The following HOOK1 variants were observed in gnomAD, a reference collection of about 807,000 sequenced individuals.
HOOK1 encodes the protein hook microtubule tethering protein 1.
HOOK1 carries 60 observed loss-of-function variants against 112.8 expected under a neutral mutation model. The ratio of observed to expected loss-of-function variants is 0.53; its 90% CI spans 0.43 to 0.66. The LOEUF (loss-of-function observed/expected upper bound fraction) is 0.66. Among genes scored for constraint, HOOK1 ranks in the 30% least tolerant of loss-of-function variants. HOOK1 has a pLI of 0.00. For synonymous variants in HOOK1, 294 were observed against 283.8 expected, an observed-to-expected ratio of 1.04 and a Z score of -0.36; for missense variants, 770 against 856.0, an observed-to-expected ratio of 0.90 and a Z score of 1.25.
chr1:59,874,695 A>G lies in HOOK1; in HGVS notation c.*1730A>G, dbSNP rs1454623849. The G allele has an allele frequency of 6.6e-6, 1 of 152,296 alleles. No individual in the cohort carries two copies. The highest frequency in any genetic ancestry group is 2.4e-5 in the African/African-American group (1 of 41,454). The allele number at this position is 152,296 out of a possible 1,614,324, so 9.4% of individuals were successfully genotyped here. On this transcript the variant is annotated 3_prime_UTR_variant, in exon 22 of 22. Transcript: ENST00000371208. ...TTTACAAAGACAGGCGGTAGGCCAG[A>G]TTTGGCTTGCATGCTGTAGAGCTGT...
intron 7 of HOOK1, 71 bp downstream of exon 7, chr1:59,837,006 G>A: frequency 1.1e-6 from 1 of 935,664 alleles, no homozygotes; most frequent in South Asian, 1.5e-5. Flanking sequence ...ACTCTCATAA[G>A]GCTTACAAAG....
At chr1:59,823,523 A>G (rs1004838164) in intron 2 of HOOK1, among the ~76,000 whole-genome samples, 4 of 151,542 alleles carry the variant, frequency 2.6e-5, no homozygotes, top group Non-Finnish European at 4.4e-5. Flanking sequence ...AGATGCAGCA[A>G]CATTGTGGTT....
chr1:59,862,962 A>G (rs1391964569), intron 16 of HOOK1, 85 bp downstream of exon 16: 2 of 777,684 alleles, frequency 2.6e-6, no homozygotes, highest in African/African-American at 1.7e-5. Flanking sequence ...CTTGTATTGG[A>G]AAGTACAGCC....
chr1:59,839,720 T>G (rs573012845), intron 7 of HOOK1, among the ~76,000 whole-genome samples: 27 of 152,252 alleles, frequency 1.8e-4, no homozygotes, highest in African/African-American at 5.3e-4. Context: ...GAACTTCCAA[T>G]ACTATGTTGA....
intron 9 of HOOK1, among the ~76,000 whole-genome samples, chr1:59,844,661 T>C (rs912232013): frequency 1.3e-5 from 2 of 152,134 alleles, no homozygotes; most frequent in Admixed American, 6.6e-5. Context: ...TTGGATTGTA[T>C]AATTGATATC....
At chr1:59,833,592 G>T in intron 5 of HOOK1, 55 bp downstream of exon 5, 1 of 1,366,048 alleles carries the variant, frequency 7.3e-7, no homozygotes, top group Non-Finnish European at 9.9e-7. Context: ...TTTCTACATT[G>T]CTATATAAGC....
chr1:59,865,166 A>G lies in HOOK1; in HGVS notation c.1665A>G (p.Glu555=). 1.9e-6 allele frequency: 3 copies of G among 1,597,312 alleles called. No individual in the cohort carries two copies. Among genetic ancestry groups the G allele is most frequent in the Non-Finnish European group, 2.6e-6 (3 of 1,164,844 alleles). Residue 555 remains glutamate (E), a synonymous_variant, in exon 18 of 22, where the codon GAA becomes GAG. Transcript: ENST00000371208. ...KLKQKLEAHM[E]KLTEVHEELQ... ...CCATGCTTTTTCTACCACTTAGGGAAAAACTCACAGAGGTCCATGAAGAAT... is the reference window on the plus strand; with the variant it reads ...CCATGCTTTTTCTACCACTTAGGGAGAAACTCACAGAGGTCCATGAAGAAT...
chr1:59,863,106 C>A (rs2098414464), intron 16 of HOOK1, among the ~76,000 whole-genome samples: 1 of 152,080 alleles, frequency 6.6e-6, no homozygotes, highest in Non-Finnish European at 1.5e-5. Flanking sequence ...AACAGCTATA[C>A]CAAAGTTCGT....
intron 1 of HOOK1, among the ~76,000 whole-genome samples, chr1:59,816,615 A>G (rs1425719025): frequency 6.6e-6 from 1 of 152,150 alleles, no homozygotes; most frequent in Non-Finnish European, 1.5e-5. Flanking sequence ...ATATTATGTG[A>G]CTGTATCCAC....
Position 59,868,231 on chromosome 1 carries a change from T to G in HOOK1, c.1846-19T>G, listed in dbSNP as rs1644000065. Reference sequence around the variant, plus strand: ...ACTTTAAAATATAAAGTGAACATAGTATTTTTTTCTTTAAACAGGTAATAA... The same window carrying G: ...ACTTTAAAATATAAAGTGAACATAGGATTTTTTTCTTTAAACAGGTAATAA... On this transcript the variant is annotated intron_variant, in intron 19 of 21. Coordinates refer to ENST00000371208, the MANE Select transcript of HOOK1 (RefSeq NM_015888.6). 4.8e-6 allele frequency: 6 copies of G among 1,261,826 alleles called. No homozygotes were observed. The highest frequency in any genetic ancestry group is 6.9e-6 in the Non-Finnish European group (6 of 866,568). The allele number at this position is 1,261,826 out of a possible 1,614,324, so 78.2% of individuals were successfully genotyped here.
intron 1 of HOOK1, among the ~76,000 whole-genome samples, chr1:59,817,556 A>ACTTTCTC (rs1328780817): frequency 3.3e-5 from 5 of 151,352 alleles, no homozygotes; most frequent in African/African-American, 1.2e-4. Flanking sequence ...CACCTACCCA[A>ACTTTCTC]CTTTCTCCAA....
chr1:59,837,107 A>G (rs1559049051), intron 7 of HOOK1, among the ~76,000 whole-genome samples, 172 bp downstream of exon 7: 1 of 152,156 alleles, frequency 6.6e-6, no homozygotes, highest in Non-Finnish European at 1.5e-5. Flanking sequence ...GTCTCCAGAG[A>G]TTTTTGTGAT....
intron 7 of HOOK1, among the ~76,000 whole-genome samples, chr1:59,838,664 T>C (rs2098399353): frequency 6.6e-6 from 1 of 152,204 alleles, no homozygotes; most frequent in Admixed American, 6.5e-5. Context: ...TTCACTCTGA[T>C]GATAGTTTCT....
chr1:59,840,739 G>T (rs369843008), intron 8 of HOOK1, among the ~76,000 whole-genome samples: 1 of 152,028 alleles, frequency 6.6e-6, no homozygotes, highest in East Asian at 1.9e-4. Flanking sequence ...ATTTATGGAA[G>T]TATTAAGTGG....
intron 1 of HOOK1, 162 bp downstream of exon 1, chr1:59,815,342 C>G (rs1390635327): frequency 1.5e-6 from 1 of 659,522 alleles, no homozygotes; most frequent in African/African-American, 1.9e-5. Flanking sequence ...ACCTGCGGGT[C>G]GACGGGCAGG....
intron 9 of HOOK1, among the ~76,000 whole-genome samples, chr1:59,845,546 G>C (rs1328085692): frequency 6.6e-6 from 1 of 150,878 alleles, no homozygotes; most frequent in African/African-American, 2.4e-5. Flanking sequence ...AATTCCCCTT[G>C]TTTCCACCCT....
chr1:59,849,786 A>G (rs369406087), intron 12 of HOOK1, among the ~76,000 whole-genome samples: 1 of 151,660 alleles, frequency 6.6e-6, no homozygotes, highest in Admixed American at 6.6e-5. Flanking sequence ...GTTGTAGCAT[A>G]TATCAGTGCT....
chr1:59,815,160 T>G lies in HOOK1; in HGVS notation c.43T>G (p.Cys15Gly). 1.9e-6 allele frequency: 3 copies of G among 1,543,810 alleles called. No homozygotes were observed. Among genetic ancestry groups the G allele is most frequent in the Non-Finnish European group, 2.6e-6 (3 of 1,146,546 alleles). The change falls in exon 1 of 22, where the codon TGC becomes GGC. Residue 15 changes from cysteine to glycine, a missense_variant. Coordinates refer to ENST00000371208, the MANE Select transcript of HOOK1 (RefSeq NM_015888.6). ...QPPPQPKLPLCDSLMIWLQTF... is the reference protein window; with the variant it reads ...QPPPQPKLPLGDSLMIWLQTF... ...GCCGCCGCAGCCTAAGCTGCCCCTG[T>G]GCGACAGCCTCATGATCTGGGTGAG...
intron 16 of HOOK1, among the ~76,000 whole-genome samples, 182 bp downstream of exon 16, chr1:59,863,059 A>G (rs1034241789): frequency 6.6e-6 from 1 of 152,144 alleles, no homozygotes; most frequent in Non-Finnish European, 1.5e-5. Flanking sequence ...TCAGTTGATC[A>G]TCTACATTGG....
Sources: gnomAD v4.1 joint callset for allele counts (sites outside exome capture counted in the v4.1 genomes callset) on GRCh38, gnomAD v4.1.1 for gene constraint, MANE v1.5 for transcripts, NCBI Gene and HGNC (gene_info 2026-07-23, HGNC 2026-07-21) for gene names.